FHIT: variants seen among roughly 807,000 people sequenced by gnomAD.
FHIT encodes fragile histidine triad diadenosine triphosphatase.
A neutral mutation model predicts 17.9 loss-of-function variants in FHIT; 19 were observed. The ratio of observed to expected loss-of-function variants is 1.06; its 90% CI spans 0.74 to 1.56. FHIT has a LOEUF of 1.56. FHIT is among the 40% of genes most tolerant of loss of function. The pLI, the probability that FHIT is intolerant of heterozygous loss-of-function variation, is 0.00. For missense variants in FHIT, 248 were observed against 189.2 expected, an observed-to-expected ratio of 1.31 and a Z score of -1.82; for synonymous variants, 81 against 69.7, an observed-to-expected ratio of 1.16 and a Z score of -0.81.
intron 5 of FHIT, among the ~76,000 whole-genome samples, chr3:60,340,186 C>T (rs1272594197): frequency 6.6e-6 from 1 of 151,954 alleles, no homozygotes; most frequent in Non-Finnish European, 1.5e-5. Context: ...ATGCAGCAGC[C>T]TTAAGTAATT....
chr3:60,300,949 G>A (rs938843930), intron 5 of FHIT, among the ~76,000 whole-genome samples: 1 of 151,882 alleles, frequency 6.6e-6, no homozygotes, highest in Non-Finnish European at 1.5e-5. Flanking sequence ...CATCTCCCAA[G>A]TTTCCCTGCT....
At chr3:60,526,429 G>A (rs1244391389) in intron 5 of FHIT, among the ~76,000 whole-genome samples, 1 of 152,072 alleles carries the variant, frequency 6.6e-6, no homozygotes, top group African/African-American at 2.4e-5. Context: ...GCAACCTAGT[G>A]GTGCCTGCCT....
intron 3 of FHIT, among the ~76,000 whole-genome samples, chr3:60,978,096 C>A (rs73102216): frequency 0.012 from 1,886 of 152,220 alleles, 22 homozygotes; most frequent in Non-Finnish European, 0.018. Context: ...ACACCTGACT[C>A]CTGTTGTTTA....
chr3:61,014,818 A>ATACACATCCT (rs2032013807), intron 3 of FHIT, among the ~76,000 whole-genome samples: 1 of 136,644 alleles, frequency 7.3e-6, no homozygotes, highest in Non-Finnish European at 1.6e-5. Context: ...ATATATATAT[A>ATACACATCCT]TATATATGTA....
At chr3:59,773,013 G>T (rs116432512) in intron 8 of FHIT, among the ~76,000 whole-genome samples, 135 of 152,324 alleles carry the variant, frequency 8.9e-4, no homozygotes, top group African/African-American at 3.2e-3. Context: ...TGTACCACAA[G>T]TCCTCTTTTT....
At chr3:60,904,678 C>T (rs1553764069) in intron 3 of FHIT, among the ~76,000 whole-genome samples, 1 of 152,030 alleles carries the variant, frequency 6.6e-6, no homozygotes, top group African/African-American at 2.4e-5. Flanking sequence ...CAGTGGCTCA[C>T]GCCTGTACTT....
chr3:59,948,729 G>C lies in FHIT; in HGVS notation c.280-26315C>G, dbSNP rs76112734. Among the ~76,000 whole-genome samples the C allele has an allele frequency of 1.4e-3, 209 of 152,066 alleles. 6 individuals carry two copies. In the East Asian group the frequency reaches 0.036, roughly 26 times the overall value. On this transcript the variant is annotated intron_variant, in intron 7 of 9. Coordinates refer to ENST00000492590, the MANE Select transcript of FHIT (RefSeq NM_002012.4). Reference sequence around the variant, plus strand: ...CATTTCCCTATGGGCTGGTGACGTTGAGTATCTTTTCATGTGCTACGTGCC... The same window carrying C: ...CATTTCCCTATGGGCTGGTGACGTTCAGTATCTTTTCATGTGCTACGTGCC...
chr3:60,603,988 G>A (rs138119193), intron 4 of FHIT, among the ~76,000 whole-genome samples: 2 of 152,292 alleles, frequency 1.3e-5, no homozygotes, highest in African/African-American at 4.8e-5. Flanking sequence ...GTGACGAAGA[G>A]ACTAAGAACA....
intron 5 of FHIT, among the ~76,000 whole-genome samples, chr3:60,326,290 C>T (rs1709689869): frequency 6.6e-6 from 1 of 151,944 alleles, no homozygotes; most frequent in African/African-American, 2.4e-5. Flanking sequence ...AATGGGAGTC[C>T]TGAGCTTGTA....
intron 7 of FHIT, among the ~76,000 whole-genome samples, chr3:60,007,697 T>C (rs1031214417): frequency 1.3e-5 from 2 of 152,198 alleles, no homozygotes; most frequent in Admixed American, 6.5e-5. Flanking sequence ...GACAACTGTG[T>C]ATTTTTACGG....
intron 4 of FHIT, among the ~76,000 whole-genome samples, chr3:60,551,306 A>G (rs1217479253): frequency 6.7e-6 from 1 of 149,908 alleles, no homozygotes; most frequent in African/African-American, 2.5e-5. Context: ...TTTGACTTTC[A>G]AAAAAAGATT....
At chr3:60,625,639 G>A (rs1233912155) in intron 4 of FHIT, among the ~76,000 whole-genome samples, 7 of 152,022 alleles carry the variant, frequency 4.6e-5, no homozygotes, top group Non-Finnish European at 8.8e-5. Context: ...CTAGATACAA[G>A]TCTCTTATCA....
In FHIT at chr3:60,033,163, A is replaced by G. The variant is rs115361100; in HGVS notation, c.104-19011T>C. On this transcript the variant is annotated intron_variant, in intron 5 of 9. Coordinates refer to ENST00000492590, the MANE Select transcript of FHIT (RefSeq NM_002012.4). ...AAAGACATTTTAAAACAGTCAAAGAACTTGACTACTGCATTAAGAAATTCC... is the reference window on the plus strand; with the variant it reads ...AAAGACATTTTAAAACAGTCAAAGAGCTTGACTACTGCATTAAGAAATTCC... Among the ~76,000 whole-genome samples the G allele has an allele frequency of 7.5e-3, 1,135 of 152,308 alleles. 10 individuals are homozygous for G. Among genetic ancestry groups the G allele is most frequent in the African/African-American group, 0.024 (1,016 of 41,576 alleles).
At chr3:60,576,949 T>TGCATACACACACACAC (rs10530733) in intron 4 of FHIT, among the ~76,000 whole-genome samples, 1 of 146,746 alleles carries the variant, frequency 6.8e-6, no homozygotes, top group Non-Finnish European at 1.5e-5. Context: ...TCCATTTGCA[T>TGCATACACACACACAC]ACACACACAC....
At chr3:60,499,996 G>C (rs2034458700) in intron 5 of FHIT, among the ~76,000 whole-genome samples, 1 of 152,168 alleles carries the variant, frequency 6.6e-6, no homozygotes, top group African/African-American at 2.4e-5. Context: ...ATAAAAGTAG[G>C]ATCGTTATCT....
intron 4 of FHIT, among the ~76,000 whole-genome samples, chr3:60,770,326 G>A (rs1379521154): frequency 1.3e-5 from 2 of 151,806 alleles, no homozygotes; most frequent in East Asian, 1.9e-4. Flanking sequence ...GGATCAGAGC[G>A]AAATTTGTCT....
At chr3:60,173,915 A>ATATATTTTTTTTTTT in intron 5 of FHIT, among the ~76,000 whole-genome samples, 2 of 66,444 alleles carry the variant, frequency 3.0e-5, no homozygotes, top group Non-Finnish European at 5.5e-5. Flanking sequence ...ATATATATAT[A>ATATATTTTTTTTTTT]TGTTTTTTTT....
chr3:60,657,208 T>C (rs953989653), intron 4 of FHIT, among the ~76,000 whole-genome samples: 3 of 152,074 alleles, frequency 2.0e-5, no homozygotes, highest in Non-Finnish European at 4.4e-5. Flanking sequence ...TCAACCAGTA[T>C]CCCTAGGAGG....
chr3:59,801,771 ACC>A (rs1700002565), intron 8 of FHIT, among the ~76,000 whole-genome samples: 1 of 152,052 alleles, frequency 6.6e-6, no homozygotes, highest in Non-Finnish European at 1.5e-5. Flanking sequence ...TGGGTAAAGG[ACC>A]AGCACTTGAG....
Sources: allele counts gnomAD v4.1 joint callset (sites outside exome capture counted in the v4.1 genomes callset), GRCh38; gene constraint gnomAD v4.1.1; transcripts MANE v1.5; gene names NCBI Gene and HGNC (gene_info 2026-07-23, HGNC 2026-07-21).